Variants in NTM observed in about 807,000 individuals in gnomAD.
NTM encodes the protein IgLON family member 2.
NTM carries 13 observed loss-of-function variants against 42.1 expected under a neutral mutation model. The observed-to-expected ratio is 0.31, with a 90% CI of 0.20 to 0.49. The LOEUF (loss-of-function observed/expected upper bound fraction) is 0.49, where lower values mean the gene tolerates loss of function less well. Ranked by LOEUF, NTM falls within the 20% of genes least tolerant of loss-of-function variation. The probability of loss-of-function intolerance (pLI) is 0.99; values close to 1 mark genes in which losing one functional copy is unlikely to be tolerated. For missense variants in NTM, 373 were observed against 452.8 expected, an observed-to-expected ratio of 0.82 and a Z score of 1.60; for synonymous variants, 187 against 179.2, an observed-to-expected ratio of 1.04 and a Z score of -0.35.
intron 3 of NTM, among the ~76,000 whole-genome samples, chr11:132,159,990 T>C (rs191865258): frequency 1.3e-4 from 20 of 152,344 alleles, no homozygotes; most frequent in Non-Finnish European, 2.6e-4. Context: ...GTTGCTGCAC[T>C]GTTGTTCAAA....
chr11:132,003,531 C>T lies in NTM; in HGVS notation c.167+91883C>T, dbSNP rs1394044183. 6.6e-6 allele frequency among the ~76,000 whole-genome samples: 1 copy of T among 152,170 alleles called. No individual in the cohort carries two copies. Among genetic ancestry groups the T allele is most frequent in the African/African-American group, 2.4e-5 (1 of 41,434 alleles). The stretch of plus-strand genomic sequence containing the variant: ...AATGTGCTGGGATTATAAGCATTAG[C>T]CACTGCGCCTGGCCCATGATTTGCA... On this transcript the variant is annotated intron_variant, in intron 2 of 8. Coordinates refer to ENST00000683400, the MANE Select transcript of NTM (RefSeq NM_001352005.2). This position sits in a 1 kb window ranked among gnomAD's most constrained non-coding sequence, Gnocchi z 6.0.
intron 2 of NTM, among the ~76,000 whole-genome samples, chr11:131,978,123 A>G (rs1225655430): frequency 6.6e-6 from 1 of 152,180 alleles, no homozygotes; most frequent in Non-Finnish European, 1.5e-5. Flanking sequence ...ATGAGAGCGC[A>G]TATCATCTAT....
chr11:131,516,561 G>A (rs1033623081), intron 1 of NTM, among the ~76,000 whole-genome samples: 7 of 152,022 alleles, frequency 4.6e-5, no homozygotes, highest in Non-Finnish European at 8.8e-5. Context: ...TAGCAGAGAC[G>A]GGGTTTCACC....
At chr11:132,167,837 G>T (rs148197710) in intron 3 of NTM, among the ~76,000 whole-genome samples, 1 of 152,106 alleles carries the variant, frequency 6.6e-6, no homozygotes, top group Non-Finnish European at 1.5e-5. Flanking sequence ...AGCCAAATAC[G>T]AATCTGAAAC....
rs2048309389 is a variant in NTM, at chr11:131,511,967, A to T, written c.82+141079A>T. ...CCCTATTCTATGGTCCAGAATTTCC[A>T]GCCATAGTGAAGCCAGCGCCACCTG... On this transcript the variant is annotated intron_variant, in intron 1 of 8. Transcript: ENST00000683400. 3.9e-5 allele frequency among the ~76,000 whole-genome samples: 6 copies of T among 152,310 alleles called. No individual in the cohort carries two copies. The South Asian group carries it at 1.2e-3, about 32-fold the overall frequency.
intron 3 of NTM, among the ~76,000 whole-genome samples, chr11:132,147,333 T>G (rs1349445510): frequency 6.6e-6 from 1 of 152,010 alleles, no homozygotes; most frequent in African/African-American, 2.4e-5. Flanking sequence ...CAGACAACAC[T>G]TAACCCGGTT....
chr11:131,850,502 G>T (rs116201884), intron 1 of NTM, among the ~76,000 whole-genome samples: 1 of 152,140 alleles, frequency 6.6e-6, no homozygotes, highest in Non-Finnish European at 1.5e-5. Flanking sequence ...GGAGGCTTTC[G>T]GGAGACTGGG....
intron 1 of NTM, among the ~76,000 whole-genome samples, chr11:131,693,622 G>A (rs73583681): frequency 0.094 from 14,341 of 152,094 alleles, 2,270 homozygotes; most frequent in African/African-American, 0.33. Context: ...GCTGAGCACC[G>A]TTTATTTCAC....
At chr11:132,267,262 A>ATAT (rs1488717985) in intron 4 of NTM, among the ~76,000 whole-genome samples, 2 of 152,234 alleles carry the variant, frequency 1.3e-5, no homozygotes, top group African/African-American at 4.8e-5. Context: ...ACAGTGTAAT[A>ATAT]TATTATAGCT....
chr11:132,028,051 C>A (rs1315393678), intron 2 of NTM, among the ~76,000 whole-genome samples: 1 of 151,400 alleles, frequency 6.6e-6, no homozygotes, highest in Non-Finnish European at 1.5e-5. Context: ...TTATTTCTAC[C>A]ATCTTCTTTT....
intron 1 of NTM, among the ~76,000 whole-genome samples, chr11:131,669,510 A>T (rs2069719964): frequency 6.6e-6 from 1 of 152,266 alleles, no homozygotes; most frequent in African/African-American, 2.4e-5. Flanking sequence ...AAGGTTGTAG[A>T]GCTGGAAGGC....
At chr11:131,992,696 A>G (rs1240176790) in intron 2 of NTM, among the ~76,000 whole-genome samples, 3 of 152,180 alleles carry the variant, frequency 2.0e-5, no homozygotes, top group Non-Finnish European at 4.4e-5. Flanking sequence ...AAAAGATTGA[A>G]TACTTTTCTA....
chr11:131,671,734 G>A lies in NTM; in HGVS notation c.83-239830G>A, dbSNP rs556544383. On this transcript the variant is annotated intron_variant, in intron 1 of 8. Transcript: ENST00000683400. ...GACAAAGCGCCCATCGACAGTGGTC[G>A]ATCAAAGAAGTGGCATCGAAAGTGG... Among the ~76,000 whole-genome samples the A allele has an allele frequency of 3.9e-5, 6 of 152,310 alleles. No homozygotes were observed. In the South Asian group the frequency reaches 8.3e-4, roughly 21 times the overall value.
intron 2 of NTM, among the ~76,000 whole-genome samples, chr11:131,934,978 G>T (rs2134136974): frequency 6.6e-6 from 1 of 152,322 alleles, no homozygotes; most frequent in South Asian, 2.1e-4. Context: ...CTGCTGCCTG[G>T]CCTCTTGGAG....
At chr11:131,392,648 TGAG>T (rs1393678541) in intron 1 of NTM, among the ~76,000 whole-genome samples, 3 of 152,180 alleles carry the variant, frequency 2.0e-5, no homozygotes, top group East Asian at 1.9e-4. Context: ...GGCACCTGCC[TGAG>T]GAGAGGAAGC....
In NTM at chr11:131,370,904, T is replaced by C. The variant is rs1210697377; in HGVS notation, c.82+16T>C. On this transcript the variant is annotated intron_variant, in intron 1 of 8. Transcript: ENST00000683400. Reference sequence around the variant, plus strand: ...CTCTTCCAAGGTAAGAGCTTGCTATTGATTTGCCTTCGGTAGACCCAGGAA... The same window carrying C: ...CTCTTCCAAGGTAAGAGCTTGCTATCGATTTGCCTTCGGTAGACCCAGGAA... The C allele has an allele frequency of 1.9e-6, 3 of 1,613,356 alleles. No individual in the cohort carries two copies. The East Asian group carries it at 6.7e-5, about 36-fold the overall frequency.
chr11:131,583,119 A>G (rs12787028), intron 1 of NTM, among the ~76,000 whole-genome samples: 51,116 of 152,030 alleles, frequency 0.34, 9,507 homozygotes, highest in East Asian at 0.45. Context: ...ACACTGTACC[A>G]GGAAGCTGCC....
chr11:131,380,910 T>G (rs926962876), intron 1 of NTM, among the ~76,000 whole-genome samples: 6 of 152,242 alleles, frequency 3.9e-5, no homozygotes, highest in Non-Finnish European at 5.9e-5. Flanking sequence ...TTTTCTTAGA[T>G]TCAACTCATC....
intron 1 of NTM, among the ~76,000 whole-genome samples, chr11:131,789,645 G>GAAGAAGAAGAAGAAGAAGA (rs2090517052): frequency 7.8e-6 from 1 of 128,244 alleles, no homozygotes; most frequent in African/African-American, 3.0e-5. Context: ...AAAAGAAGAA[G>GAAGAAGAAGAAGAAGAAGA]AAGAAGAAGA....
Sources: gnomAD v4.1 joint callset for allele counts (sites outside exome capture counted in the v4.1 genomes callset) on GRCh38, gnomAD v4.1.1 for gene constraint, Gnocchi (gnomAD v3.1) non-coding constraint, MANE v1.5 for transcripts, NCBI Gene and HGNC (gene_info 2026-07-23, HGNC 2026-07-21) for gene names.